Variants in NLRP1 observed in about 807,000 individuals in gnomAD.
The protein encoded by NLRP1 is NACHT, LRR and PYD domains-containing protein 1.
A neutral mutation model predicts 136.7 loss-of-function variants in NLRP1; 94 were observed. The ratio of observed to expected loss-of-function variants is 0.69; its 90% CI spans 0.58 to 0.82. The LOEUF (loss-of-function observed/expected upper bound fraction) is 0.82. NLRP1 is among the 40% of genes least tolerant of loss of function. The pLI is 0.00. For synonymous variants in NLRP1, 690 were observed against 725.1 expected, an observed-to-expected ratio of 0.95 and a Z score of 0.78; for missense variants, 1,575 against 1,802.7, an observed-to-expected ratio of 0.87 and a Z score of 2.29.
At chr17:5,530,356 C>A in intron 12 of NLRP1, 125 bp downstream of exon 12, 1 of 766,446 alleles carries the variant, frequency 1.3e-6, no homozygotes, top group Non-Finnish European at 2.2e-6. Context: ...GTCCCCATCT[C>A]CATAACCCCC....
At chr17:5,554,631 G>C (rs1913805452) in intron 4 of NLRP1, among the ~76,000 whole-genome samples, 1 of 152,160 alleles carries the variant, frequency 6.6e-6, no homozygotes, top group Non-Finnish European at 1.5e-5. Context: ...CTGCTGCAGA[G>C]GGGTATGTGA....
chr17:5,535,065 C>T (rs1041919654), intron 8 of NLRP1, among the ~76,000 whole-genome samples: 1 of 152,142 alleles, frequency 6.6e-6, no homozygotes, highest in Non-Finnish European at 1.5e-5. Flanking sequence ...ACTAAAAATA[C>T]AAAAATTAGC....
chr17:5,583,365 T>C lies in NLRP1; in HGVS notation c.271+322A>G, dbSNP rs1905918534. ...AAATAGGCAGAGAGCAGTGAAGTGA[T>C]TGGCCCAGGGTGATAGTGCCAGGAC... On this transcript the variant is annotated intron_variant, in intron 1 of 16. Coordinates refer to ENST00000572272, the MANE Select transcript of NLRP1 (RefSeq NM_033004.4). The surrounding 1 kb of genome is among the most constrained non-coding windows in gnomAD (Gnocchi z 4.5). Among the ~76,000 whole-genome samples the C allele has an allele frequency of 6.6e-6, 1 of 152,162 alleles. No homozygotes were observed. Among genetic ancestry groups the C allele is most frequent in the African/African-American group, 2.4e-5 (1 of 41,430 alleles).
At chr17:5,505,335 T>G (rs2151726729) in intron 15 of NLRP1, 1 of 152,464 alleles carries the variant, frequency 6.6e-6, no homozygotes, top group South Asian at 2.1e-4. Flanking sequence ...AATCCCCTGC[T>G]GGGGTTAGGG....
chr17:5,543,295 C>T (rs560600716), intron 5 of NLRP1, among the ~76,000 whole-genome samples: 60 of 152,264 alleles, frequency 3.9e-4, no homozygotes, highest in African/African-American at 1.3e-3. Flanking sequence ...AGGGTGGAAA[C>T]GGTGAAACTT....
Position 5,559,774 on chromosome 17 carries a change from G to A in NLRP1, c.922C>T (p.Arg308Ter), listed in dbSNP as rs758319723. 3.1e-6 allele frequency: 5 copies of A among 1,614,218 alleles called. No homozygotes were observed. The highest frequency in any genetic ancestry group is 1.6e-4 in the Middle Eastern group (1 of 6,062). ...TCTCTGATCTCAATTAAATGTCCTC[G>A]ATTCTCCTCCACATAATCAGGCCAG... The part of the protein sequence containing the change: ...RSWPDYVEEN[R>*]GHLIEIRDLF... The change falls in exon 4 of 17, where the codon CGA becomes TGA. Residue 308 changes from arginine (R) to a stop codon, truncating the protein, a stop_gained. Transcript: ENST00000572272. LOFTEE classifies it high-confidence loss of function.
chr17:5,515,789 T>C (rs1908026394), intron 15 of NLRP1, among the ~76,000 whole-genome samples: 1 of 152,204 alleles, frequency 6.6e-6, no homozygotes, highest in African/African-American at 2.4e-5. Flanking sequence ...ATTTCTCCTA[T>C]AACATCCCAG....
chr17:5,578,135 C>T (rs1230360795), intron 3 of NLRP1, among the ~76,000 whole-genome samples: 25 of 151,174 alleles, frequency 1.7e-4, no homozygotes, highest in Admixed American at 5.3e-4. Context: ...ACTTAAATGT[C>T]AGACCTAAAA....
chr17:5,542,317 C>G (rs1193261286), intron 5 of NLRP1, among the ~76,000 whole-genome samples: 1 of 152,106 alleles, frequency 6.6e-6, no homozygotes, highest in Non-Finnish European at 1.5e-5. Context: ...GGACTTGGAT[C>G]CTCATCATCT....
chr17:5,557,174 T>G (rs745421892), intron 4 of NLRP1, among the ~76,000 whole-genome samples: 1 of 151,842 alleles, frequency 6.6e-6, no homozygotes, highest in Non-Finnish European at 1.5e-5. Flanking sequence ...CAGATAATTT[T>G]TGTATTTTTT....
rs1170353017 is a variant in NLRP1, at chr17:5,537,596, A to G, written c.2871-656T>C. Among the ~76,000 whole-genome samples, 2 of 152,164 alleles carry G rather than the reference A, an allele frequency of 1.3e-5. No homozygotes were observed. The highest frequency in any genetic ancestry group is 2.9e-5 in the Non-Finnish European group (2 of 68,022). On this transcript the variant is annotated intron_variant, in intron 7 of 16. Coordinates refer to ENST00000572272, the MANE Select transcript of NLRP1 (RefSeq NM_033004.4). This position sits in a 1 kb window ranked among gnomAD's most constrained non-coding sequence, Gnocchi z 4.5. Reference sequence around the variant, plus strand: ...GCCCTGCCTGTTCTGAGGCCCAGACAAGGAGGCGGTGAAAAGACCCTGTCT... The same window carrying G: ...GCCCTGCCTGTTCTGAGGCCCAGACGAGGAGGCGGTGAAAAGACCCTGTCT...
chr17:5,550,139 A>AT (rs60570487), intron 5 of NLRP1, among the ~76,000 whole-genome samples: 16 of 150,114 alleles, frequency 1.1e-4, no homozygotes, highest in East Asian at 3.9e-4. Context: ...TGGCCTGCAG[A>AT]TTTTTTTTTT....
In NLRP1 at chr17:5,584,111, T is replaced by TA. The variant is rs534733376; in HGVS notation, c.-155dup. The TA allele has an allele frequency of 1.7e-4, 120 of 699,838 alleles. No individual in the cohort carries two copies. In the African/African-American group the frequency reaches 2.0e-3, roughly 12 times the overall value. The allele number at this position is 699,838 out of a possible 1,614,324, so 43.4% of individuals were successfully genotyped here. Reference sequence around the variant, plus strand: ...TTATAAATCCCAGGGCACCTACAGATAGACGCCGATAGAGGGGGAGTGGTA... The same window carrying TA: ...TTATAAATCCCAGGGCACCTACAGATAAGACGCCGATAGAGGGGGAGTGGTA... On this transcript the variant is annotated 5_prime_UTR_variant, in exon 1 of 17. Transcript: ENST00000572272.
Position 5,559,555 on chromosome 17 carries a change from C to A in NLRP1, c.1141G>T (p.Ala381Ser), listed in dbSNP as rs551349608. ...GTCCCATCTTTTCCGATGAGCTCAGCGAGACTCACCACCTTGGACTGGGCC... is the reference window on the plus strand; with the variant it reads ...GTCCCATCTTTTCCGATGAGCTCAGAGAGACTCACCACCTTGGACTGGGCC... ...ELAQSKVVSL[A>S]ELIGKDGTAT... The change falls in exon 4 of 17, where the codon GCT becomes TCT. Residue 381 changes from alanine (A) to serine (S), a missense_variant. By Grantham distance (99) the Ala-to-Ser change is moderately conservative. Transcript: ENST00000572272. 1.9e-6 allele frequency: 3 copies of A among 1,614,174 alleles called. No individual in the cohort carries two copies. Among genetic ancestry groups the A allele is most frequent in the African/African-American group, 1.3e-5 (1 of 75,038 alleles).
intron 15 of NLRP1, chr17:5,501,957 G>T: frequency 8.0e-7 from 1 of 1,256,044 alleles, no homozygotes. Flanking sequence ...GTTAGTTGCA[G>T]CAAATCCAAC....
intron 4 of NLRP1, among the ~76,000 whole-genome samples, chr17:5,554,525 G>A (rs544729403): frequency 6.6e-6 from 1 of 152,274 alleles, no homozygotes; most frequent in African/African-American, 2.4e-5. Context: ...CCATGTGGGG[G>A]CAAGAAGCAG....
chr17:5,539,368 C>T (rs201263791), intron 7 of NLRP1, 47 bp downstream of exon 7: 2 of 1,550,690 alleles, frequency 1.3e-6, no homozygotes, highest in South Asian at 2.4e-5. Context: ...GTCCGATACC[C>T]CCCCAACCCT....
At chr17:5,502,065 CCTCT>C in intron 15 of NLRP1, 1 of 563,488 alleles carries the variant, frequency 1.8e-6, no homozygotes, top group South Asian at 1.8e-5. Context: ...GGGTGCTGTT[CCTCT>C]CTATCCTACA....
chr17:5,570,997 G>A (rs1467641283), intron 3 of NLRP1, among the ~76,000 whole-genome samples: 3 of 152,000 alleles, frequency 2.0e-5, no homozygotes, highest in East Asian at 3.8e-4. Context: ...ATAAATAGAA[G>A]TAAAAAAGCC....
Sources: gnomAD v4.1 joint callset for allele counts (sites outside exome capture counted in the v4.1 genomes callset) on GRCh38, gnomAD v4.1.1 for gene constraint, Gnocchi (gnomAD v3.1) non-coding constraint, MANE v1.5 for transcripts, NCBI Gene and HGNC (gene_info 2026-07-23, HGNC 2026-07-21) for gene names.